COL21A1: variants seen among roughly 807,000 people sequenced by gnomAD.
The protein encoded by COL21A1 is collagen alpha-1(XXI) chain.
A neutral mutation model predicts 137.9 loss-of-function variants in COL21A1; 149 were observed. That is an observed-to-expected ratio of 1.08 (90% CI 0.95 to 1.24). COL21A1 has a LOEUF of 1.24. Ranked by LOEUF, COL21A1 falls within the 50% of genes most tolerant of loss-of-function variation. The pLI, the probability that COL21A1 is intolerant of heterozygous loss-of-function variation, is 0.00. For synonymous variants in COL21A1, 456 were observed against 391.5 expected (o/e 1.16, Z -1.95); for missense variants, 1,167 against 1,158.4 (o/e 1.01, Z -0.11).
At chr6:56,099,224 ATTTT>A (rs765498868) in intron 17 of COL21A1, among the ~76,000 whole-genome samples, 2 of 111,996 alleles carry the variant, frequency 1.8e-5, no homozygotes, top group African/African-American at 3.8e-5. Context: ...CACAAACTAA[ATTTT>A]TTTTTTTTTT....
At chr6:56,287,511 A>G (rs9382607) in intron 1 of COL21A1, among the ~76,000 whole-genome samples, 130,591 of 151,912 alleles carry the variant, frequency 0.86, 56,216 homozygotes, top group East Asian at 0.91. Flanking sequence ...TTACAAGTGT[A>G]TAGCACCTCC....
chr6:56,346,970 C>T (rs1765611027), intron 1 of COL21A1, among the ~76,000 whole-genome samples: 1 of 152,156 alleles, frequency 6.6e-6, no homozygotes, highest in Non-Finnish European at 1.5e-5. Context: ...CTGCCACAGC[C>T]TCTTGCAGGA....
chr6:56,075,578 A>T, intron 18 of COL21A1, 46 bp from the exon 19 acceptor site: 1 of 1,343,292 alleles, frequency 7.4e-7, no homozygotes, highest in Non-Finnish European at 1.0e-6. Context: ...TAAATTATCA[A>T]TTTATTTCAA....
rs541583249 is a variant in COL21A1, at chr6:56,265,121, G to A, written c.-38-82465C>T. 2.6e-5 allele frequency among the ~76,000 whole-genome samples: 4 copies of A among 152,332 alleles called. No individual in the cohort carries two copies. The South Asian group carries it at 6.2e-4, about 24-fold the overall frequency. ...CAGGAGGAGAGGACAGTTGAAAGGA[G>A]ATGGCAAGGCTAAGACAGGGGCTGG... On this transcript the variant is annotated intron_variant, in intron 1 of 28. Coordinates refer to the COL21A1 transcript ENST00000370819.
At chr6:56,125,504 G>A in intron 14 of COL21A1, 63 bp downstream of exon 14, 1 of 1,196,216 alleles carries the variant, frequency 8.4e-7, no homozygotes, top group Non-Finnish European at 1.2e-6. Context: ...TGCAATTCTA[G>A]TTTTCTGTTT....
chr6:56,250,043 ATT>A (rs954572865), upstream of COL21A1, among the ~76,000 whole-genome samples: 12 of 152,236 alleles, frequency 7.9e-5, no homozygotes, highest in African/African-American at 2.9e-4. Flanking sequence ...CTAGAGAACT[ATT>A]CTTGTCCTAA....
chr6:56,117,012 C>T (rs1217943214), intron 16 of COL21A1, among the ~76,000 whole-genome samples: 1 of 151,458 alleles, frequency 6.6e-6, no homozygotes, highest in African/African-American at 2.4e-5. Context: ...CACTAGAGGA[C>T]AATAGGAATG....
intron 1 of COL21A1, among the ~76,000 whole-genome samples, chr6:56,191,318 A>G (rs183551734): frequency 6.6e-6 from 1 of 151,636 alleles, no homozygotes; most frequent in Non-Finnish European, 1.5e-5. Context: ...TAACAGACAA[A>G]CAGAGAGCCA....
At chr6:56,301,011 C>A (rs1349848916) in intron 1 of COL21A1, among the ~76,000 whole-genome samples, 5 of 152,082 alleles carry the variant, frequency 3.3e-5, no homozygotes. Flanking sequence ...ATCATTCAGA[C>A]CCAATTGTTA....
chr6:56,281,952 A>T (rs1300074407), intron 1 of COL21A1, among the ~76,000 whole-genome samples: 1 of 152,194 alleles, frequency 6.6e-6, no homozygotes, highest in African/African-American at 2.4e-5. Context: ...AGAAAAACTT[A>T]GGAAATTTTT....
At chr6:56,098,672 T>TAG (rs1770092179) in intron 17 of COL21A1, among the ~76,000 whole-genome samples, 1 of 86,426 alleles carries the variant, frequency 1.2e-5, no homozygotes, top group African/African-American at 4.6e-5. Flanking sequence ...TATAAATATA[T>TAG]ATATAAATAT....
intron 1 of COL21A1, among the ~76,000 whole-genome samples, chr6:56,313,707 A>G (rs1764663576): frequency 6.6e-6 from 1 of 152,138 alleles, no homozygotes; most frequent in African/African-American, 2.4e-5. Context: ...GGAAAACACA[A>G]TTCAGTCCAT....
chr6:56,340,169 G>T (rs1765433300), intron 1 of COL21A1, among the ~76,000 whole-genome samples: 1 of 151,992 alleles, frequency 6.6e-6, no homozygotes, highest in South Asian at 2.1e-4. Context: ...TATTTTTCCT[G>T]AGCCCCACCT....
chr6:56,241,479 T>G (rs1378942355), intron 1 of COL21A1, among the ~76,000 whole-genome samples: 2 of 152,170 alleles, frequency 1.3e-5, no homozygotes, highest in Non-Finnish European at 2.9e-5. Flanking sequence ...TCTCTTTATC[T>G]CATTTCAAAA....
intron 1 of COL21A1, among the ~76,000 whole-genome samples, chr6:56,256,106 A>T (rs1051220776): frequency 6.6e-6 from 1 of 152,240 alleles, no homozygotes; most frequent in African/African-American, 2.4e-5. Context: ...ACGTTAGCCC[A>T]TTAAATAGTT....
intron 1 of COL21A1, among the ~76,000 whole-genome samples, chr6:56,344,159 C>T (rs1439707271): frequency 6.6e-6 from 1 of 152,080 alleles, no homozygotes; most frequent in Non-Finnish European, 1.5e-5. Context: ...ATTATTTTTC[C>T]TATAATCGCT....
At chr6:56,271,852 C>T (rs535633968) in intron 1 of COL21A1, among the ~76,000 whole-genome samples, 54 of 152,366 alleles carry the variant, frequency 3.5e-4, no homozygotes, top group Middle Eastern at 3.4e-3. Flanking sequence ...GCAAGCCCCA[C>T]AGCTTGGTGG....
intron 1 of COL21A1, among the ~76,000 whole-genome samples, chr6:56,255,018 CA>C (rs1322184632): frequency 6.6e-6 from 1 of 151,990 alleles, no homozygotes; most frequent in African/African-American, 2.4e-5. Context: ...CCTTAAATTT[CA>C]ATTCTGTTTA....
At chr6:56,115,956 T>TA in intron 16 of COL21A1, among the ~76,000 whole-genome samples, 1 of 152,076 alleles carries the variant, frequency 6.6e-6, no homozygotes, top group East Asian at 1.9e-4. Context: ...AGCTTGAAGA[T>TA]AGACTTTGGA....
Sources: gnomAD v4.1 joint callset for allele counts (sites outside exome capture counted in the v4.1 genomes callset) on GRCh38, gnomAD v4.1.1 for gene constraint, MANE v1.5 for transcripts, NCBI Gene and HGNC (gene_info 2026-07-23, HGNC 2026-07-21) for gene names.